TNN: variants seen among roughly 807,000 people sequenced by gnomAD.
TNN encodes the protein tenascin N.
TNN carries 122 observed loss-of-function variants against 134.4 expected under a neutral mutation model. The ratio of observed to expected loss-of-function variants is 0.91; its 90% confidence interval spans 0.78 to 1.06. The LOEUF (loss-of-function observed/expected upper bound fraction) is 1.06, where lower values mean the gene tolerates loss of function less well. Among genes scored for constraint, TNN ranks in the 50% least tolerant of loss-of-function variants. The pLI is 0.00. For synonymous variants in TNN, 710 were observed against 670.3 expected, an observed-to-expected ratio of 1.06 and a Z score of -0.91; for missense variants, 1,739 against 1,699.4, an observed-to-expected ratio of 1.02 and a Z score of -0.41.
At position 175,128,731 on chromosome 1, in the gene TNN, C is replaced by T. The variant is rs61740201; in HGVS notation, c.3315C>T (p.Asp1105=). ...PLQVYCDMET[D]GGGWIVFQRR... ...AGGTGTACTGTGACATGGAAACGGACGGAGGTGGCTGGATTGTGAGTCACG... is the reference window on the plus strand; with the variant it reads ...AGGTGTACTGTGACATGGAAACGGATGGAGGTGGCTGGATTGTGAGTCACG... The change falls in exon 15 of 19, where the codon GAC becomes GAT. Residue 1105 remains aspartate, a synonymous_variant. Coordinates refer to ENST00000239462, the MANE Select transcript of TNN (RefSeq NM_022093.2). 642 of 1,612,840 alleles carry T rather than the reference C, an allele frequency of 4.0e-4. 1 individual carries two copies. In the African/African-American group the frequency reaches 5.1e-3, roughly 13 times the overall value.
chr1:175,098,710 C>A, intron 9 of TNN, 115 bp downstream of exon 9: 1 of 1,447,386 alleles, frequency 6.9e-7, no homozygotes, highest in South Asian at 1.3e-5. Context: ...GGTTGGTATC[C>A]TCCCATAATA....
At position 175,083,833 on chromosome 1, in the gene TNN, G is replaced by A. The variant is rs1279628900; in HGVS notation, c.1132G>A (p.Val378Met). The A allele has an allele frequency of 1.9e-6, 3 of 1,614,212 alleles. No individual in the cohort carries two copies. The highest frequency in any genetic ancestry group is 2.2e-5 in the South Asian group (2 of 91,088). Residue 378 changes from valine (V) to methionine (M), a missense_variant, in exon 5 of 19, where the codon GTG (valine) becomes ATG (methionine). Val to Met is a conservative substitution (Grantham distance 21). Transcript: ENST00000239462. ...GGAGTGGGAAAACCCCTCAACTGAG[G>A]TGGACTACTACAAGCTGCGATATGG... ...DVEWENPSTE[V>M]DYYKLRYGPM...
rs925470245 is a variant in TNN at position 175,128,267 on chromosome 1, A to G, written c.3178+103A>G. ...GGAGCAAGTGGATGCAGAACTATTG[A>G]TTTCTCTAGGCATGGGGAAGTGGAA... On this transcript the variant is annotated intron_variant, in intron 14 of 18. Transcript: ENST00000239462. 3 of 1,128,274 alleles carry G rather than the reference A, an allele frequency of 2.7e-6. No homozygotes were observed. The South Asian group carries it at 4.7e-5, about 18-fold the overall frequency. 69.9% of individuals were successfully genotyped at this position (1,128,274 alleles called of 1,614,324 possible).
At chr1:175,102,318 G>A (rs1410565926) in intron 9 of TNN, among the ~76,000 whole-genome samples, 1 of 146,326 alleles carries the variant, frequency 6.8e-6, no homozygotes. Context: ...CAGCCCTTGG[G>A]TAGTCGACGG....
At chr1:175,072,020 T>C (rs1673925531) in intron 1 of TNN, among the ~76,000 whole-genome samples, 3 of 152,166 alleles carry the variant, frequency 2.0e-5, no homozygotes, top group Admixed American at 6.5e-5. Context: ...GAAACACGCA[T>C]ACAGATTTGG....
At chr1:175,124,542 G>A (rs1361763364) in intron 12 of TNN, among the ~76,000 whole-genome samples, 7 of 152,170 alleles carry the variant, frequency 4.6e-5, no homozygotes, top group African/African-American at 1.7e-4. Flanking sequence ...TTAGCTGGGT[G>A]TGGTGGCAGG....
At chr1:175,128,217 A>G in intron 14 of TNN, 53 bp downstream of exon 14, 2 of 1,489,770 alleles carry the variant, frequency 1.3e-6, no homozygotes, top group South Asian at 2.6e-5. Context: ...CCAGCACCGG[A>G]AAGCCTAGCA....
At position 175,128,127 on chromosome 1, in the gene TNN, T is replaced by C; in HGVS notation, c.3141T>C (p.Gly1047=). 1 of 1,612,448 alleles carries C rather than the reference T, an allele frequency of 6.2e-7. No homozygotes were observed. The highest frequency in any genetic ancestry group is 1.1e-5 in the South Asian group (1 of 90,968). ...YPVSLVAFKG[G]RRSRNVSTTL... The stretch of plus-strand genomic sequence containing the variant: ...TCTCCCTTGTTGCCTTTAAGGGTGG[T>C]CGCCGGAGCAGAAATGTATCCACCA... Residue 1047 remains glycine, a synonymous_variant, in exon 14 of 19, where the codon GGT becomes GGC. Coordinates refer to ENST00000239462, the MANE Select transcript of TNN (RefSeq NM_022093.2).
chr1:175,068,705 G>A (rs1278532341), intron 1 of TNN, among the ~76,000 whole-genome samples: 1 of 152,124 alleles, frequency 6.6e-6, no homozygotes. Context: ...TCGAGAGTTC[G>A]AGACCAGCCT....
At chr1:175,137,295 A>G (rs901679665) in intron 17 of TNN, among the ~76,000 whole-genome samples, 1 of 151,344 alleles carries the variant, frequency 6.6e-6, no homozygotes, top group Non-Finnish European at 1.5e-5. Flanking sequence ...TATTCTGAAC[A>G]ATTTCTTGAT....
intron 17 of TNN, among the ~76,000 whole-genome samples, chr1:175,141,501 T>A (rs1054073305): frequency 1.3e-5 from 2 of 151,738 alleles, no homozygotes; most frequent in Non-Finnish European, 2.9e-5. Flanking sequence ...AAAAAAAAAA[T>A]TAATGGGTAC....
intron 9 of TNN, among the ~76,000 whole-genome samples, chr1:175,109,070 G>GTTTTTTT (rs1338891175): frequency 3.4e-5 from 3 of 88,344 alleles, no homozygotes; most frequent in African/African-American, 1.8e-4. Context: ...CTATCTAACT[G>GTTTTTTT]TATTTTTTTT....
intron 9 of TNN, among the ~76,000 whole-genome samples, chr1:175,100,388 C>T (rs1574152942): frequency 6.6e-6 from 1 of 152,256 alleles, no homozygotes; most frequent in East Asian, 1.9e-4. Flanking sequence ...TAAGGGATTC[C>T]ATTGAAAACT....
chr1:175,128,130 C>G lies in TNN; in HGVS notation c.3144C>G (p.Arg1048=), dbSNP rs200867556. 1.2e-6 allele frequency: 2 copies of G among 1,611,950 alleles called. No homozygotes were observed. Among genetic ancestry groups the G allele is most frequent in the East Asian group, 4.5e-5 (2 of 44,836 alleles). ...CCCTTGTTGCCTTTAAGGGTGGTCG[C>G]CGGAGCAGAAATGTATCCACCACCC... ...PVSLVAFKGG[R]RSRNVSTTLS... is the part of the protein sequence containing the mutation. Residue 1048 remains arginine, a synonymous_variant, in exon 14 of 19, where the codon CGC becomes CGG. Transcript: ENST00000239462.
At chr1:175,109,310 G>A (rs1460994413) in intron 9 of TNN, among the ~76,000 whole-genome samples, 9 of 149,600 alleles carry the variant, frequency 6.0e-5, no homozygotes, top group Admixed American at 3.3e-4. Flanking sequence ...GGATGGTCTC[G>A]ATCTCCTGAC....
At chr1:175,076,890 T>C (rs1354745264) in intron 1 of TNN, among the ~76,000 whole-genome samples, 1 of 152,208 alleles carries the variant, frequency 6.6e-6, no homozygotes, top group East Asian at 1.9e-4. Flanking sequence ...GGGGTCATCA[T>C]AGTATATTCC....
At chr1:175,124,027 C>T (rs1046976133) in intron 12 of TNN, among the ~76,000 whole-genome samples, 34 of 152,212 alleles carry the variant, frequency 2.2e-4, no homozygotes, top group African/African-American at 7.5e-4. Flanking sequence ...AATGGGGATG[C>T]ATCTTTCTCC....
Position 175,094,166 on chromosome 1 carries a change from C to T in TNN, c.1501C>T (p.Leu501=). ...TGAGAGCAGCACTGTCCTGACGGGC[C>T]TGAAGCCAGGAGAGGCATACAAGGT... The part of the protein sequence containing the change: ...KDESSTVLTG[L]KPGEAYKVYV... The change falls in exon 7 of 19, where the codon CTG becomes TTG. Residue 501 remains leucine, a synonymous_variant. Transcript: ENST00000239462. The T allele has an allele frequency of 6.2e-7, 1 of 1,614,150 alleles. No individual in the cohort carries two copies. The highest frequency in any genetic ancestry group is 2.2e-5 in the East Asian group (1 of 44,882).
chr1:175,137,534 C>A (rs1675846197), intron 17 of TNN, among the ~76,000 whole-genome samples: 1 of 152,172 alleles, frequency 6.6e-6, no homozygotes, highest in South Asian at 2.1e-4. Context: ...AGTGAAGGAA[C>A]CTTTAGCCTC....
Sources: allele counts gnomAD v4.1 joint callset (sites outside exome capture counted in the v4.1 genomes callset), GRCh38; gene constraint gnomAD v4.1.1; transcripts MANE v1.5; gene names NCBI Gene and HGNC (gene_info 2026-07-23, HGNC 2026-07-21).